DIP2B: variants seen among roughly 807,000 people sequenced by gnomAD.
The protein encoded by DIP2B is disco-interacting protein 2 homolog B.
In DIP2B, 76 loss-of-function variants were observed where a neutral mutation model predicts 198.0. The ratio of observed to expected loss-of-function variants is 0.38; its 90% CI spans 0.32 to 0.46. The LOEUF (loss-of-function observed/expected upper bound fraction) is 0.46. Ranked by LOEUF, DIP2B falls within the 20% of genes least tolerant of loss-of-function variation. The probability of loss-of-function intolerance (pLI) is 0.99; values close to 1 mark genes in which losing one functional copy is unlikely to be tolerated. For missense variants in DIP2B, 1,559 were observed against 1,978.4 expected (o/e 0.79, Z 4.02); for synonymous variants, 701 against 739.1 (o/e 0.95, Z 0.84).
chr12:50,691,527 T>C (rs1305424464), intron 13 of DIP2B, among the ~76,000 whole-genome samples: 2 of 152,176 alleles, frequency 1.3e-5, no homozygotes, highest in African/African-American at 4.8e-5. Context: ...AACACAAAAA[T>C]GTATTCGATA....
At chr12:50,564,451 C>T (rs1340931044) in intron 1 of DIP2B, among the ~76,000 whole-genome samples, 1 of 152,132 alleles carries the variant, frequency 6.6e-6, no homozygotes, top group African/African-American at 2.4e-5. Flanking sequence ...GCAACATTTC[C>T]TATTTCTTCA....
chr12:50,644,394 A>C (rs1054910928), intron 3 of DIP2B, among the ~76,000 whole-genome samples: 8 of 152,212 alleles, frequency 5.3e-5, no homozygotes, highest in Admixed American at 6.5e-5. Context: ...CAAAACAACA[A>C]AAATAAAACA....
At chr12:50,507,395 A>G (rs1177928745) in intron 1 of DIP2B, among the ~76,000 whole-genome samples, 1 of 152,224 alleles carries the variant, frequency 6.6e-6, no homozygotes, top group Non-Finnish European at 1.5e-5. Context: ...ATTCAAGTGA[A>G]GTTAAAATAA....
chr12:50,692,988 C>A lies in DIP2B; in HGVS notation c.1694C>A (p.Ala565Asp). The change falls in exon 14 of 38, where the codon GCT becomes GAT. Residue 565 changes from alanine to aspartate, a missense_variant. By Grantham distance (126) the Ala-to-Asp change is moderately radical (BLOSUM62 -2). Coordinates refer to ENST00000301180, the MANE Select transcript of DIP2B (RefSeq NM_173602.3). ...IVNVLDFKKD[A>D]GLWHGMFANV... ...AATGTCTTAGACTTTAAGAAGGATG[C>A]TGGGCTGTGGCACGGCATGTTTGCG... 6.2e-7 allele frequency: 1 copy of A among 1,610,590 alleles called. No individual in the cohort carries two copies. Among genetic ancestry groups the A allele is most frequent in the Non-Finnish European group, 8.5e-7 (1 of 1,179,180 alleles).
At chr12:50,632,243 T>C (rs943321607) in intron 2 of DIP2B, among the ~76,000 whole-genome samples, 45 of 151,960 alleles carry the variant, frequency 3.0e-4, no homozygotes, top group African/African-American at 1.0e-3. Context: ...TCCCGGCACT[T>C]TGGGAGGCCG....
Position 50,747,116 on chromosome 12 carries a change from TTTAC to T in DIP2B, c.*2280_*2283del, listed in dbSNP as rs750700960. 4 of 152,216 alleles carry T rather than the reference TTTAC, an allele frequency of 2.6e-5. No homozygotes were observed. The highest frequency in any genetic ancestry group is 5.9e-5 in the Non-Finnish European group (4 of 68,036). 9.4% of individuals were successfully genotyped at this position (152,216 alleles called of 1,614,324 possible). A position where few individuals can be genotyped will look rare whatever the true frequency, so the allele number is the denominator to read the frequency against. On this transcript the variant is annotated 3_prime_UTR_variant, in exon 38 of 38. Transcript: ENST00000301180. ...AATATAAAAATTATTAATGAGTTAT[TTTAC>T]TTTTTTTCATATTAGGCCTTTGAAA...
intron 25 of DIP2B, among the ~76,000 whole-genome samples, chr12:50,720,693 G>A (rs1939819870): frequency 6.6e-6 from 1 of 152,066 alleles, no homozygotes; most frequent in South Asian, 2.1e-4. Flanking sequence ...GAGGAAGGAG[G>A]ATGGCTTGAA....
chr12:50,623,527 ACG>A (rs1161585638), intron 1 of DIP2B, among the ~76,000 whole-genome samples: 18 of 128,526 alleles, frequency 1.4e-4, no homozygotes, highest in South Asian at 2.3e-4. Flanking sequence ...ACACACACAC[ACG>A]CACACACACA....
chr12:50,692,726 A>T (rs1437456209), intron 13 of DIP2B, among the ~76,000 whole-genome samples: 1 of 152,094 alleles, frequency 6.6e-6, no homozygotes, highest in Non-Finnish European at 1.5e-5. Flanking sequence ...AATCCCAGCT[A>T]TTTGGGAGGC....
chr12:50,732,056 A>C (rs1255032754), intron 31 of DIP2B, among the ~76,000 whole-genome samples: 1 of 152,222 alleles, frequency 6.6e-6, no homozygotes, highest in Non-Finnish European at 1.5e-5. Context: ...TTTTTCTCTC[A>C]GTCTCATCAA....
intron 4 of DIP2B, among the ~76,000 whole-genome samples, chr12:50,665,775 G>GAA (rs202230326): frequency 1.1e-4 from 12 of 107,198 alleles, no homozygotes; most frequent in African/African-American, 3.4e-4. Flanking sequence ...AACCTCAACT[G>GAA]AAAAAAAAAA....
chr12:50,526,112 C>T (rs1958162653), intron 1 of DIP2B, among the ~76,000 whole-genome samples: 1 of 152,136 alleles, frequency 6.6e-6, no homozygotes, highest in Non-Finnish European at 1.5e-5. Context: ...TCTCTAGTGC[C>T]TAGAATAGAA....
At chr12:50,658,948 G>A (rs562146270) in intron 3 of DIP2B, among the ~76,000 whole-genome samples, 2 of 152,286 alleles carry the variant, frequency 1.3e-5, no homozygotes, top group Non-Finnish European at 2.9e-5. Flanking sequence ...TTAGCTGGGC[G>A]TGGTGGCGTG....
intron 4 of DIP2B, among the ~76,000 whole-genome samples, chr12:50,669,857 T>C (rs1188881800): frequency 6.6e-6 from 1 of 152,204 alleles, no homozygotes; most frequent in Non-Finnish European, 1.5e-5. Context: ...TATTTGGCTC[T>C]TTGAACCAAA....
At chr12:50,569,091 C>CTTTTTTTTTT (rs200901404) in intron 1 of DIP2B, among the ~76,000 whole-genome samples, 1 of 133,674 alleles carries the variant, frequency 7.5e-6, no homozygotes. Flanking sequence ...TTTCTTTTGT[C>CTTTTTTTTTT]TTTTTTTTTT....
In DIP2B at chr12:50,704,162, G is replaced by C. The variant is rs763015258; in HGVS notation, c.2348G>C (p.Gly783Ala). ...TFEVIPVNSA[G>A]SPVGDVPFIR... ...TAGGTAATTCCAGTGAATTCTGCAG[G>C]CTCTCCTGTTGGGGATGTGCCATTC... The change falls in exon 20 of 38, where the codon GGC becomes GCC. Residue 783 changes from glycine (G) to alanine (A), a missense_variant. By Grantham distance (60) the Gly-to-Ala change is moderately conservative. Coordinates refer to ENST00000301180, the MANE Select transcript of DIP2B (RefSeq NM_173602.3). 2 of 1,608,342 alleles carry C rather than the reference G, an allele frequency of 1.2e-6. No homozygotes were observed. Among genetic ancestry groups the C allele is most frequent in the East Asian group, 2.3e-5 (1 of 44,428 alleles).
At chr12:50,737,304 C>T (rs1454151743) in intron 35 of DIP2B, among the ~76,000 whole-genome samples, 194 bp downstream of exon 35, 3 of 152,094 alleles carry the variant, frequency 2.0e-5, no homozygotes, top group Non-Finnish European at 4.4e-5. Context: ...GATTTAGGCA[C>T]CCAAACTGGA....
intron 3 of DIP2B, chr12:50,654,904 G>T (rs1315709110): frequency 1.1e-5 from 4 of 368,008 alleles, no homozygotes; most frequent in Non-Finnish European, 2.2e-5. Context: ...GGGGAAGTAG[G>T]TATACCTGTA....
chr12:50,551,373 A>C (rs928854251), intron 1 of DIP2B, among the ~76,000 whole-genome samples: 1 of 152,194 alleles, frequency 6.6e-6, no homozygotes. Context: ...CAGTGAGCCA[A>C]GATCAAGCCA....
Sources: gnomAD v4.1 joint callset for allele counts (sites outside exome capture counted in the v4.1 genomes callset) on GRCh38, gnomAD v4.1.1 for gene constraint, MANE v1.5 for transcripts, NCBI Gene and HGNC (gene_info 2026-07-23, HGNC 2026-07-21) for gene names.